Variants in ZNF831 observed in about 807,000 individuals in gnomAD.
The protein encoded by ZNF831 is zinc finger protein 831.
ZNF831 carries 59 observed loss-of-function variants against 95.8 expected under a neutral mutation model. That is an observed-to-expected ratio of 0.62 (90% CI 0.50 to 0.77). ZNF831 has a LOEUF of 0.77. Ranked by LOEUF, ZNF831 falls within the 30% of genes least tolerant of loss-of-function variation. ZNF831 has a pLI of 0.00. For synonymous variants in ZNF831, 961 were observed against 925.5 expected (o/e 1.04, Z -0.70); for missense variants, 2,205 against 2,164.0 (o/e 1.02, Z -0.38).
intron 1 of ZNF831, among the ~76,000 whole-genome samples, chr20:59,182,959 A>G (rs919232215): frequency 1.3e-5 from 2 of 152,176 alleles, no homozygotes; most frequent in Non-Finnish European, 2.9e-5. Context: ...GCTCTCTGGG[A>G]ACATTCACCT....
rs116185695 is a variant in ZNF831, at chr20:59,207,062, G to T, written c.4027+6G>T. On this transcript the variant is annotated splice_donor_region_variant and intron_variant, in intron 4 of 5. Transcript: ENST00000371030. ...GACCTCTTCAGAAATAGCAGGTAAT[G>T]CTCTCTTTGGAGGTGCATCCAGACT... 4.9e-4 allele frequency: 787 copies of T among 1,613,720 alleles called. 8 individuals carry two copies. In the African/African-American group the frequency reaches 9.3e-3, roughly 19 times the overall value.
chr20:59,125,108 A>C (rs1374752495), intron 1 of ZNF831, among the ~76,000 whole-genome samples: 1 of 152,210 alleles, frequency 6.6e-6, no homozygotes, highest in Non-Finnish European at 1.5e-5. Context: ...TATTAGGACT[A>C]GATGTGATGC....
chr20:59,151,974 C>T (rs1245945125), intron 2 of ZNF831, among the ~76,000 whole-genome samples: 9 of 152,152 alleles, frequency 5.9e-5, no homozygotes, highest in Non-Finnish European at 1.2e-4. Flanking sequence ...GTTGTCTTTG[C>T]CAGTCTCTGG....
intron 1 of ZNF831, among the ~76,000 whole-genome samples, chr20:59,126,564 C>T (rs900049188): frequency 2.0e-5 from 3 of 152,352 alleles, no homozygotes; most frequent in Middle Eastern, 3.4e-3. Flanking sequence ...TATTTTCCTG[C>T]TTCCCTTTGT....
At position 59,224,201 on chromosome 20, in the gene ZNF831, G is replaced by A. The variant is rs118123364; in HGVS notation, c.4027+17145G>A. Among the ~76,000 whole-genome samples the A allele has an allele frequency of 4.4e-3, 673 of 152,328 alleles. 4 individuals are homozygous for A. Among genetic ancestry groups the A allele is most frequent in the Middle Eastern group, 0.014 (4 of 294 alleles). ...GACTTCCTCTTGTTCCTGGAGACCT[G>A]CTTCCCCTCCCAACAAGTGCGTGCT... On this transcript the variant is annotated intron_variant, in intron 4 of 5. Coordinates refer to ENST00000371030, the MANE Select transcript of ZNF831 (RefSeq NM_178457.3).
chr20:59,134,331 C>T (rs79482046), intron 1 of ZNF831, among the ~76,000 whole-genome samples: 1,894 of 152,288 alleles, frequency 0.012, 53 homozygotes, highest in African/African-American at 0.044. Context: ...TCTGTATTTC[C>T]TTATGGGGAC....
rs1237396030 is a variant in ZNF831 at position 59,191,425 on chromosome 20, G to A, written c.406G>A (p.Gly136Ser). 1 of 1,612,400 alleles carries A rather than the reference G, an allele frequency of 6.2e-7. No individual in the cohort carries two copies. The highest frequency in any genetic ancestry group is 8.5e-7 in the Non-Finnish European group (1 of 1,179,684). Reference sequence around the variant, plus strand: ...CCTGGGCCCCACGCTGGGCAGCCCAGGCAAGGTGCGGAATGCGGGCAAGTA... The same window carrying A: ...CCTGGGCCCCACGCTGGGCAGCCCAAGCAAGGTGCGGAATGCGGGCAAGTA... Reference protein sequence around the residue: ...PGLGPTLGSPGKVRNAGKYLC... With the variant: ...PGLGPTLGSPSKVRNAGKYLC... The change falls in exon 2 of 6, where the codon GGC becomes AGC. Residue 136 changes from glycine to serine, a missense_variant. Gly to Ser is a moderately conservative substitution (Grantham distance 56, BLOSUM62 0). Coordinates refer to ENST00000371030, the MANE Select transcript of ZNF831 (RefSeq NM_178457.3).
At chr20:59,242,744 A>G (rs1277871536) in intron 4 of ZNF831, among the ~76,000 whole-genome samples, 1 of 152,204 alleles carries the variant, frequency 6.6e-6, no homozygotes, top group Non-Finnish European at 1.5e-5. Context: ...ATTTTGATAA[A>G]TGTATTTTTC....
At chr20:59,237,243 T>C (rs1008419482) in intron 4 of ZNF831, among the ~76,000 whole-genome samples, 3 of 152,210 alleles carry the variant, frequency 2.0e-5, no homozygotes, top group Admixed American at 1.3e-4. Flanking sequence ...AAGTAGATTT[T>C]TAGAAGGTTA....
intron 4 of ZNF831, 108 bp downstream of exon 4, chr20:59,207,164 G>A: frequency 1.4e-6 from 2 of 1,390,746 alleles, no homozygotes; most frequent in Non-Finnish European, 1.9e-6. Context: ...AAGTGCCACA[G>A]GGGTCAGGCC....
chr20:59,238,878 C>T (rs1987154426), intron 4 of ZNF831, among the ~76,000 whole-genome samples: 1 of 152,164 alleles, frequency 6.6e-6, no homozygotes, highest in South Asian at 2.1e-4. Context: ...AATCACGAAG[C>T]ATACTTGACA....
In ZNF831 at chr20:59,254,810, G is replaced by T; in HGVS notation, c.*67G>T. ...ACGCTTCACAAGTAAATGTTGTCAGGCTGGCGGAAGAACTAAACTCTATCT... is the reference window on the plus strand; with the variant it reads ...ACGCTTCACAAGTAAATGTTGTCAGTCTGGCGGAAGAACTAAACTCTATCT... On this transcript the variant is annotated 3_prime_UTR_variant, in exon 6 of 6. Transcript: ENST00000371030. This position sits in a 1 kb window ranked among gnomAD's most constrained non-coding sequence, Gnocchi z 4.5. 1 of 1,531,126 alleles carries T rather than the reference G, an allele frequency of 6.5e-7. No homozygotes were observed. Among genetic ancestry groups the T allele is most frequent in the Non-Finnish European group, 8.7e-7 (1 of 1,144,002 alleles). The allele number at this position is 1,531,126 out of a possible 1,614,324, so 94.8% of individuals were successfully genotyped here.
chr20:59,236,774 T>C (rs1832460553), intron 4 of ZNF831, among the ~76,000 whole-genome samples: 1 of 152,196 alleles, frequency 6.6e-6, no homozygotes, highest in South Asian at 2.1e-4. Context: ...CCTGCCCTTC[T>C]CTGAAGTCCA....
In ZNF831 at chr20:59,254,373, A is replaced by C. The variant is rs555113590; in HGVS notation, c.4664A>C (p.Asp1555Ala). The C allele has an allele frequency of 7.4e-6, 12 of 1,614,126 alleles. No individual in the cohort carries two copies. In the Admixed American group the frequency reaches 1.5e-4, roughly 20 times the overall value. Residue 1555 changes from aspartate (D) to alanine (A), a missense_variant, in exon 6 of 6, where the codon GAT (aspartate) becomes GCT (alanine). Coordinates refer to ENST00000371030, the MANE Select transcript of ZNF831 (RefSeq NM_178457.3). The surrounding 1 kb of genome is among the most constrained non-coding windows in gnomAD (Gnocchi z 4.5). The stretch of plus-strand genomic sequence containing the variant: ...CCTTCATCTGGACAAAGAATTTCAG[A>C]TTCGGTTCCACTGGAGTCAACTGAA... ...GRPSSGQRIS[D>A]SVPLESTEKT... is the part of the protein sequence containing the mutation.
intron 2 of ZNF831, among the ~76,000 whole-genome samples, chr20:59,155,113 C>T (rs1178659074): frequency 1.3e-5 from 2 of 152,130 alleles, no homozygotes; most frequent in Non-Finnish European, 2.9e-5. Context: ...TTCCCTGACA[C>T]CTGGGAGGGA....
upstream of ZNF831, among the ~76,000 whole-genome samples, chr20:59,162,290 G>A (rs1022807184): frequency 2.6e-5 from 4 of 152,118 alleles, no homozygotes; most frequent in African/African-American, 9.7e-5. Context: ...TATTTTTGTT[G>A]CATTTGCTTT....
At chr20:59,244,695 TTTG>T (rs1987506113) in intron 4 of ZNF831, among the ~76,000 whole-genome samples, 2 of 152,222 alleles carry the variant, frequency 1.3e-5, no homozygotes, top group African/African-American at 2.4e-5. Context: ...ACAGACACCT[TTTG>T]TTGTTGTTTT....
At chr20:59,203,509 C>T (rs1035433942) in intron 3 of ZNF831, among the ~76,000 whole-genome samples, 7 of 152,076 alleles carry the variant, frequency 4.6e-5, no homozygotes, top group Admixed American at 1.3e-4. Context: ...AAAGCTTATC[C>T]ATATAAAAAC....
intron 4 of ZNF831, among the ~76,000 whole-genome samples, chr20:59,210,257 A>G (rs996481849): frequency 6.6e-6 from 1 of 152,232 alleles, no homozygotes; most frequent in Non-Finnish European, 1.5e-5. Context: ...CCAGCAGGAC[A>G]TGCTCCACAC....
Sources: gnomAD v4.1 joint callset for allele counts (sites outside exome capture counted in the v4.1 genomes callset) on GRCh38, gnomAD v4.1.1 for gene constraint, Gnocchi (gnomAD v3.1) non-coding constraint, MANE v1.5 for transcripts, NCBI Gene and HGNC (gene_info 2026-07-23, HGNC 2026-07-21) for gene names.